AHCYL1: variants seen among roughly 807,000 people sequenced by gnomAD.
AHCYL1 encodes the protein S-adenosylhomocysteine hydrolase-like protein 1.
AHCYL1 carries 20 observed loss-of-function variants against 79.3 expected under a neutral mutation model. The ratio of observed to expected loss-of-function variants is 0.25; its 90% confidence interval spans 0.18 to 0.37. The LOEUF (loss-of-function observed/expected upper bound fraction) is 0.37. Ranked by LOEUF, AHCYL1 falls within the 10% of genes least tolerant of loss-of-function variation. The probability of loss-of-function intolerance (pLI) is 1.00; values close to 1 mark genes in which losing one functional copy is unlikely to be tolerated. For missense variants in AHCYL1, 330 were observed against 673.6 expected, an observed-to-expected ratio of 0.49 and a Z score of 5.65; for synonymous variants, 223 against 242.2, an observed-to-expected ratio of 0.92 and a Z score of 0.74.
intron 16 of AHCYL1, among the ~76,000 whole-genome samples, chr1:110,021,135 G>C (rs1408700881): frequency 1.3e-5 from 2 of 152,200 alleles, no homozygotes; most frequent in East Asian, 3.9e-4. Context: ...CAGTTACTCA[G>C]GTGGCTGAGG....
intron 5 of AHCYL1, 125 bp from the exon 6 acceptor site, chr1:110,014,638 T>C: frequency 1.6e-6 from 1 of 634,852 alleles, no homozygotes; most frequent in Non-Finnish European, 2.7e-6. Flanking sequence ...GACTTTTGGC[T>C]CTGAATTTTT....
At chr1:110,013,659 G>A (rs1180068697) in intron 5 of AHCYL1, among the ~76,000 whole-genome samples, 6 of 151,950 alleles carry the variant, frequency 3.9e-5, no homozygotes, top group African/African-American at 4.8e-5. Flanking sequence ...GCAGTGAGCC[G>A]AGATCATGCC....
intron 1 of AHCYL1, among the ~76,000 whole-genome samples, chr1:109,989,369 A>G (rs961095070): frequency 1.3e-5 from 2 of 152,028 alleles, no homozygotes; most frequent in Admixed American, 6.6e-5. Flanking sequence ...CCAATATAAT[A>G]TTCTTTTTTA....
chr1:110,018,665 G>T lies in AHCYL1; in HGVS notation c.1317+15G>T. ...TCCTGGCAGAGGTACACACAGAGAA[G>T]GACCCTGGCAGAGCAGCACAAGCAG... On this transcript the variant is annotated intron_variant, in intron 13 of 16. Transcript: ENST00000369799. 1 of 1,608,900 alleles carries T rather than the reference G, an allele frequency of 6.2e-7. No homozygotes were observed. Among genetic ancestry groups the T allele is most frequent in the Non-Finnish European group, 8.5e-7 (1 of 1,177,464 alleles).
At chr1:109,995,736 C>T in intron 1 of AHCYL1, 9 of 968,970 alleles carry the variant, frequency 9.3e-6, no homozygotes, top group Non-Finnish European at 1.1e-5. Context: ...TTCGCAATAA[C>T]TCATTACCTG....
intron 2 of AHCYL1, among the ~76,000 whole-genome samples, chr1:110,010,345 A>T (rs1650946879): frequency 6.6e-6 from 1 of 152,216 alleles, no homozygotes; most frequent in African/African-American, 2.4e-5. Context: ...TCAGTGAGAG[A>T]GTCCAGGTAT....
intron 1 of AHCYL1, among the ~76,000 whole-genome samples, chr1:109,998,306 C>A (rs1650126157): frequency 6.6e-6 from 1 of 151,962 alleles, no homozygotes; most frequent in Admixed American, 6.6e-5. Flanking sequence ...AAAAATTATT[C>A]TTAAAAATTA....
Position 110,023,597 on chromosome 1 carries a change from A to T in AHCYL1, c.*1917A>T, listed in dbSNP as rs1028590287. On this transcript the variant is annotated 3_prime_UTR_variant, in exon 17 of 17. Coordinates refer to ENST00000369799, the MANE Select transcript of AHCYL1 (RefSeq NM_006621.7). ...TAACAAAGGACACTGTTAAAAAAAA[A>T]AAAAAGTCTGGCATCAGAGGGAGCA... The T allele has an allele frequency of 2.6e-5, 4 of 152,626 alleles. No individual in the cohort carries two copies. The highest frequency in any genetic ancestry group is 4.4e-5 in the Non-Finnish European group (3 of 68,040). The allele number at this position is 152,626 out of a possible 1,614,324, so 9.5% of individuals were successfully genotyped here. A position where few individuals can be genotyped will look rare whatever the true frequency, so the allele number is the denominator to read the frequency against.
chr1:109,992,519 C>G (rs191268367), intron 1 of AHCYL1, among the ~76,000 whole-genome samples: 356 of 151,698 alleles, frequency 2.3e-3, no homozygotes, highest in African/African-American at 8.1e-3. Context: ...ACTTCAGGTT[C>G]TCATGACTGT....
chr1:110,000,902 C>T (rs747770142), intron 1 of AHCYL1: 180 of 957,452 alleles, frequency 1.9e-4, no homozygotes, highest in Non-Finnish European at 2.1e-4. Flanking sequence ...TACAAACCCT[C>T]TGTAAACTGT....
rs1649374844 is a variant in AHCYL1 at position 109,984,840 on chromosome 1, T to G, written c.-213T>G. On this transcript the variant is annotated 5_prime_UTR_variant, in exon 1 of 17. Coordinates refer to ENST00000369799, the MANE Select transcript of AHCYL1 (RefSeq NM_006621.7). ...GAGCTCGGAGCTGCTGTTCTGGTTC[T>G]CTTGTGGCCGCCGTCGCTGTCCGGC... 1 of 636,402 alleles carries G rather than the reference T, an allele frequency of 1.6e-6. No individual in the cohort carries two copies. The highest frequency in any genetic ancestry group is 2.2e-6 in the Non-Finnish European group (1 of 451,098). 39.4% of individuals were successfully genotyped at this position (636,402 alleles called of 1,614,324 possible). A position where few individuals can be genotyped will look rare whatever the true frequency, so the allele number is the denominator to read the frequency against.
intron 16 of AHCYL1, 40 bp downstream of exon 16, chr1:110,020,891 G>A: frequency 3.1e-6 from 5 of 1,594,416 alleles, no homozygotes; most frequent in South Asian, 2.3e-5. Context: ...CTTTTTCCCA[G>A]TATTAAACCA....
chr1:109,985,079 G>T lies in AHCYL1; in HGVS notation c.27G>T (p.Leu9=), dbSNP rs746187097. ...TGTCGATGCCTGACGCGATGCCGCT[G>T]CCCGGGGTCGGGGAGGAGCTGAAGC... MSMPDAMP[L]PGVGEELKQA... Residue 9 remains leucine (L), a synonymous_variant, in exon 1 of 17, where the codon CTG becomes CTT. Coordinates refer to ENST00000369799, the MANE Select transcript of AHCYL1 (RefSeq NM_006621.7). 6.2e-7 allele frequency: 1 copy of T among 1,606,622 alleles called. No homozygotes were observed. Among genetic ancestry groups the T allele is most frequent in the Non-Finnish European group, 8.5e-7 (1 of 1,177,288 alleles).
Position 110,014,802 on chromosome 1 carries a change from A to C in AHCYL1, c.620A>C (p.Asp207Ala). ...GCTTGGAAGGGCGAGTCAGAAGATG[A>C]CTTCTGGTGGTGTATTGACCGCTGT... ...VFAWKGESEDDFWWCIDRCVN... is the reference protein window; with the variant it reads ...VFAWKGESEDAFWWCIDRCVN... The change falls in exon 6 of 17, where the codon GAC becomes GCC. Residue 207 changes from aspartate (D) to alanine (A), a missense_variant. Physicochemically the swap from Asp to Ala is moderately radical, Grantham distance 126 (BLOSUM62 -2). Around this residue, in one of 6 missense-constraint regions of AHCYL1, gnomAD observed 25 missense variants for 27.7 expected, o/e 0.90. Coordinates refer to ENST00000369799, the MANE Select transcript of AHCYL1 (RefSeq NM_006621.7). 6.2e-7 allele frequency: 1 copy of C among 1,614,188 alleles called. No individual in the cohort carries two copies. The highest frequency in any genetic ancestry group is 8.5e-7 in the Non-Finnish European group (1 of 1,180,012).
chr1:109,985,853 T>G (rs1649438389), intron 1 of AHCYL1, among the ~76,000 whole-genome samples: 1 of 152,126 alleles, frequency 6.6e-6, no homozygotes, highest in African/African-American at 2.4e-5. Flanking sequence ...AGAAAGGAGC[T>G]TGGGTGGGTT....
intron 15 of AHCYL1, 37 bp downstream of exon 15, chr1:110,019,663 G>C (rs1203941218): frequency 6.4e-7 from 1 of 1,566,942 alleles, no homozygotes; most frequent in Non-Finnish European, 8.7e-7. Context: ...GCAGACAGCT[G>C]CATAGTTTGG....
chr1:110,017,453 A>C (rs774605189), intron 9 of AHCYL1, 42 bp from the exon 10 acceptor site: 2 of 1,586,906 alleles, frequency 1.3e-6, no homozygotes, highest in East Asian at 4.5e-5. Context: ...AATATCCATG[A>C]CTTAATGAAC....
chr1:110,006,355 G>A (rs949607222), intron 1 of AHCYL1, among the ~76,000 whole-genome samples: 3 of 152,042 alleles, frequency 2.0e-5, no homozygotes, highest in African/African-American at 7.3e-5. Context: ...AGTATTCCTT[G>A]TAGATGTAGA....
chr1:109,992,026 C>T lies in AHCYL1; in HGVS notation c.120+6854C>T, dbSNP rs528090748. ...GGCTTGACCTCACGTCAAGACCTCA[C>T]GTCAAAGCTTTTGGGCCATGACCTG... On this transcript the variant is annotated intron_variant, in intron 1 of 16. Transcript: ENST00000369799. 4.6e-5 allele frequency among the ~76,000 whole-genome samples: 7 copies of T among 152,042 alleles called. No homozygotes were observed. The East Asian group carries it at 1.4e-3, about 29-fold the overall frequency.
Sources: gnomAD v4.1 joint callset for allele counts (sites outside exome capture counted in the v4.1 genomes callset) on GRCh38, gnomAD v4.1.1 for gene constraint, gnomAD v4.1.1 regional missense constraint, MANE v1.5 for transcripts, NCBI Gene and HGNC (gene_info 2026-07-23, HGNC 2026-07-21) for gene names.